HSPA4: variants seen among roughly 807,000 people sequenced by gnomAD.
The protein encoded by HSPA4 is heat shock 70 kDa protein 4.
In HSPA4, 25 loss-of-function variants were observed where a neutral mutation model predicts 106.2. The observed-to-expected ratio is 0.24, with a 90% CI of 0.17 to 0.33. HSPA4 has a LOEUF of 0.33. HSPA4 is among the 10% of genes least tolerant of loss of function. HSPA4 has a pLI of 1.00. For synonymous variants in HSPA4, 332 were observed against 333.6 expected (o/e 1.00, Z 0.05); for missense variants, 841 against 996.0 (o/e 0.84, Z 2.10).
chr5:133,102,390 A>T (rs565183598), intron 17 of HSPA4, among the ~76,000 whole-genome samples: 1 of 152,338 alleles, frequency 6.6e-6, no homozygotes, highest in South Asian at 2.1e-4. Flanking sequence ...AATAGGTGGA[A>T]TCTGGAATTG....
At chr5:133,059,037 A>G (rs1051728848) in intron 1 of HSPA4, among the ~76,000 whole-genome samples, 4 of 102,574 alleles carry the variant, frequency 3.9e-5, no homozygotes, top group Non-Finnish European at 1.0e-4. Flanking sequence ...CTGAGGCAGG[A>G]GAATTGCTTG....
intron 1 of HSPA4, among the ~76,000 whole-genome samples, chr5:133,063,262 AC>A (rs1765267440): frequency 6.6e-6 from 1 of 150,814 alleles, no homozygotes; most frequent in African/African-American, 2.4e-5. Context: ...ACAGGTGCTC[AC>A]CACCATGCCC....
intron 4 of HSPA4, among the ~76,000 whole-genome samples, chr5:133,071,252 C>T (rs1377516509): frequency 7.0e-6 from 1 of 143,384 alleles, no homozygotes; most frequent in Non-Finnish European, 1.5e-5. Flanking sequence ...TTGAGACCAG[C>T]CTGGGCAACA....
At chr5:133,078,364 G>C (rs376638440) in intron 7 of HSPA4, among the ~76,000 whole-genome samples, 1 of 151,810 alleles carries the variant, frequency 6.6e-6, no homozygotes, top group Non-Finnish European at 1.5e-5. Flanking sequence ...ACTGTGATGG[G>C]GCATGGTGGC....
chr5:133,055,818 C>T (rs1391979467), intron 1 of HSPA4, among the ~76,000 whole-genome samples: 1 of 152,170 alleles, frequency 6.6e-6, no homozygotes, highest in Non-Finnish European at 1.5e-5. Flanking sequence ...TAGCTCATGC[C>T]TGTAATCCCA....
At chr5:133,074,272 C>CT (rs1006898493) in intron 6 of HSPA4, 146 bp downstream of exon 6, 13 of 444,234 alleles carry the variant, frequency 2.9e-5, no homozygotes, top group South Asian at 1.2e-4. Flanking sequence ...TCTTTTCTTT[C>CT]TTTTTTTTCT....
chr5:133,083,884 A>G (rs1765546840), intron 7 of HSPA4, among the ~76,000 whole-genome samples: 1 of 152,148 alleles, frequency 6.6e-6, no homozygotes, highest in Non-Finnish European at 1.5e-5. Context: ...GCATCTGTAT[A>G]CTTCTTGCAG....
intron 9 of HSPA4, among the ~76,000 whole-genome samples, 169 bp downstream of exon 9, chr5:133,088,724 A>G (rs1160506061): frequency 6.6e-6 from 1 of 152,218 alleles, no homozygotes; most frequent in Admixed American, 6.5e-5. Context: ...ATTGTACTCT[A>G]TAGCACATAA....
chr5:133,062,778 C>T (rs1317848874), intron 1 of HSPA4, among the ~76,000 whole-genome samples: 1 of 152,142 alleles, frequency 6.6e-6, no homozygotes, highest in Non-Finnish European at 1.5e-5. Flanking sequence ...TAATAGAAGT[C>T]ATGGCTTCCT....
chr5:133,069,305 A>T (rs1234912884), intron 3 of HSPA4, among the ~76,000 whole-genome samples: 1 of 151,286 alleles, frequency 6.6e-6, no homozygotes, highest in African/African-American at 2.4e-5. Flanking sequence ...GCTGGAGTGC[A>T]GTGGCACGAT....
chr5:133,105,410 A>C lies in HSPA4; in HGVS notation c.*974A>C, dbSNP rs1765844305. 1 of 152,212 alleles carries C rather than the reference A, an allele frequency of 6.6e-6. No homozygotes were observed. Among genetic ancestry groups the C allele is most frequent in the African/African-American group, 2.4e-5 (1 of 41,468 alleles). The allele number at this position is 152,212 out of a possible 1,614,324, so 9.4% of individuals were successfully genotyped here. A position where few individuals can be genotyped will look rare whatever the true frequency, so the allele number is the denominator to read the frequency against. ...ACCTGCCAATTTGTACGTGTTAAGC[A>C]GCTGACAGATGATGCAAAAAAAACT... On this transcript the variant is annotated 3_prime_UTR_variant, in exon 19 of 19. Coordinates refer to ENST00000304858, the MANE Select transcript of HSPA4 (RefSeq NM_002154.4).
chr5:133,095,003 G>C (rs1261006329), intron 13 of HSPA4, among the ~76,000 whole-genome samples: 1 of 152,094 alleles, frequency 6.6e-6, no homozygotes, highest in Non-Finnish European at 1.5e-5. Context: ...CTTATATGTA[G>C]ACAAATAATA....
chr5:133,093,283 G>A (rs1312324741), intron 13 of HSPA4, among the ~76,000 whole-genome samples: 8 of 152,078 alleles, frequency 5.3e-5, no homozygotes, highest in Non-Finnish European at 8.8e-5. Context: ...TGTGCTATTT[G>A]CAAGATGGCC....
intron 7 of HSPA4, among the ~76,000 whole-genome samples, chr5:133,083,406 C>T (rs1240184258): frequency 6.6e-6 from 1 of 152,154 alleles, no homozygotes; most frequent in Admixed American, 6.5e-5. Context: ...TTCAGACATG[C>T]AACAAAGTTG....
chr5:133,073,198 A>G (rs763085615), intron 4 of HSPA4, 32 bp from the exon 5 acceptor site: 5 of 1,357,054 alleles, frequency 3.7e-6, no homozygotes, highest in Admixed American at 4.0e-5. Flanking sequence ...TAGAATCTAT[A>G]ATACAGTAAG....
At chr5:133,077,452 G>T (rs1765459696) in intron 7 of HSPA4, among the ~76,000 whole-genome samples, 1 of 152,162 alleles carries the variant, frequency 6.6e-6, no homozygotes, top group Admixed American at 6.5e-5. Flanking sequence ...TGGCCAGGCT[G>T]GTCTCAAACT....
chr5:133,063,079 C>T (rs1273592288), intron 1 of HSPA4, among the ~76,000 whole-genome samples: 1 of 151,548 alleles, frequency 6.6e-6, no homozygotes, highest in Non-Finnish European at 1.5e-5. Flanking sequence ...TTGCATGACC[C>T]TGGATAAATT....
Position 133,091,286 on chromosome 5 carries a change from G to A in HSPA4, c.1472G>A (p.Ser491Asn). 1 of 1,613,940 alleles carries A rather than the reference G, an allele frequency of 6.2e-7. No individual in the cohort carries two copies. Among genetic ancestry groups the A allele is most frequent in the Non-Finnish European group, 8.5e-7 (1 of 1,179,780 alleles). Reference sequence around the variant, plus strand: ...CGAGTAAATGTCCATGGCATTTTCAGTGTGTCCAGTGCATCTTTAGTGGAG... The same window carrying A: ...CGAGTAAATGTCCATGGCATTTTCAATGTGTCCAGTGCATCTTTAGTGGAG... ...KVRVNVHGIF[S>N]VSSASLVEVH... The change falls in exon 12 of 19, where the codon AGT (serine) becomes AAT (asparagine). Residue 491 changes from serine to asparagine, a missense_variant. Ser to Asn is a conservative substitution (Grantham distance 46). This residue lies in a region of HSPA4 where 162 missense variants were observed against 177.7 expected (regional missense o/e 0.91). Coordinates refer to ENST00000304858, the MANE Select transcript of HSPA4 (RefSeq NM_002154.4).
intron 1 of HSPA4, among the ~76,000 whole-genome samples, chr5:133,058,134 G>C (rs111669831): frequency 0.022 from 3,292 of 152,312 alleles, 111 homozygotes; most frequent in African/African-American, 0.074. Flanking sequence ...GCTCATGCCT[G>C]TTATCCCAGC....
Sources: allele counts gnomAD v4.1 joint callset (sites outside exome capture counted in the v4.1 genomes callset), GRCh38; gene constraint gnomAD v4.1.1; regional missense constraint gnomAD v4.1.1; transcripts MANE v1.5; gene names NCBI Gene and HGNC (gene_info 2026-07-23, HGNC 2026-07-21).